The following SLA variants were observed in gnomAD, a reference collection of about 807,000 sequenced individuals.
SLA encodes Src like adaptor.
A neutral mutation model predicts 30.3 loss-of-function variants in SLA; 16 were observed. The ratio of observed to expected loss-of-function variants is 0.53; its 90% CI spans 0.36 to 0.80. The LOEUF (loss-of-function observed/expected upper bound fraction) is 0.80. SLA is among the 30% of genes least tolerant of loss of function. The pLI is 0.01. For synonymous variants in SLA, 143 were observed against 137.8 expected (o/e 1.04, Z -0.26); for missense variants, 310 against 345.2 (o/e 0.90, Z 0.81).
chr8:133,049,554 C>A, intron 5 of SLA: 1 of 304,748 alleles, frequency 3.3e-6, no homozygotes, highest in East Asian at 7.3e-5. Context: ...CAGTAAGTGA[C>A]AGAGGCAGGA....
chr8:133,082,958 A>G (rs554453304), intron 1 of SLA, among the ~76,000 whole-genome samples: 47 of 152,318 alleles, frequency 3.1e-4, no homozygotes, highest in African/African-American at 1.1e-3. Context: ...TGGGTGTGAA[A>G]TCATCTGTCA....
intron 1 of SLA, among the ~76,000 whole-genome samples, chr8:133,091,090 A>G (rs1847438252): frequency 6.6e-6 from 1 of 152,238 alleles, no homozygotes; most frequent in African/African-American, 2.4e-5. Flanking sequence ...TCTGAGAGGT[A>G]GGTGAGCTTC....
At chr8:133,084,188 G>T (rs1285622287) in intron 1 of SLA, among the ~76,000 whole-genome samples, 4 of 152,190 alleles carry the variant, frequency 2.6e-5, no homozygotes. Context: ...GAAATGGAGA[G>T]AGAGGGGCAG....
chr8:133,075,456 A>G (rs1431844532), intron 1 of SLA, among the ~76,000 whole-genome samples: 1 of 152,232 alleles, frequency 6.6e-6, no homozygotes, highest in African/African-American at 2.4e-5. Flanking sequence ...CGTCAAGGGA[A>G]AAAAACTAGA....
At chr8:133,085,265 C>T (rs1292511550) in intron 1 of SLA, among the ~76,000 whole-genome samples, 4 of 152,140 alleles carry the variant, frequency 2.6e-5, no homozygotes, top group African/African-American at 9.7e-5. Context: ...CTATAGAATG[C>T]AAGGCAGAAC....
intron 2 of SLA, among the ~76,000 whole-genome samples, chr8:133,066,325 C>CA (rs11395047): frequency 0.28 from 24,602 of 87,022 alleles, 4,017 homozygotes; most frequent in Admixed American, 0.31. Flanking sequence ...GACTCTGTCT[C>CA]AAAAAAAAAA....
chr8:133,067,476 G>A (rs981390189), intron 2 of SLA, among the ~76,000 whole-genome samples: 2 of 152,132 alleles, frequency 1.3e-5, no homozygotes, highest in Non-Finnish European at 2.9e-5. Context: ...AACCCCTGGG[G>A]AAGAACGTGG....
rs1223153416 is a variant in SLA, at chr8:133,037,362, A to G, written c.*1162T>C. The G allele has an allele frequency of 6.6e-6, 1 of 152,142 alleles. No individual in the cohort carries two copies. Among genetic ancestry groups the G allele is most frequent in the African/African-American group, 2.4e-5 (1 of 41,422 alleles). 9.4% of individuals were successfully genotyped at this position (152,142 alleles called of 1,614,324 possible). A position where few individuals can be genotyped will look rare whatever the true frequency, so the allele number is the denominator to read the frequency against. On this transcript the variant is annotated 3_prime_UTR_variant, in exon 9 of 9. Coordinates refer to ENST00000338087, the MANE Select transcript of SLA (RefSeq NM_001045556.3). ...CCTGGAGCTGAGCATTTTTCCTCAT[A>G]TGGATGCCAGACCCTTCTTAGAATA...
intron 1 of SLA, among the ~76,000 whole-genome samples, chr8:133,081,578 GGAA>G (rs765338790): frequency 1.2e-4 from 17 of 143,296 alleles, no homozygotes; most frequent in Admixed American, 1.1e-3. Context: ...ATTATTCTCA[GGAA>G]GAAGAAGAAA....
At chr8:133,053,453 G>A (rs891429488) in intron 3 of SLA, among the ~76,000 whole-genome samples, 2 of 152,264 alleles carry the variant, frequency 1.3e-5, no homozygotes, top group East Asian at 1.9e-4. Context: ...CAGCTGTCAA[G>A]CTACAGTTTT....
At chr8:133,079,184 C>T (rs758692849) in intron 1 of SLA, among the ~76,000 whole-genome samples, 3 of 152,108 alleles carry the variant, frequency 2.0e-5, no homozygotes, top group Admixed American at 6.5e-5. Context: ...CTGTACTGGC[C>T]GAATGACACT....
At chr8:133,062,317 C>T (rs1842479590) in intron 2 of SLA, among the ~76,000 whole-genome samples, 1 of 152,214 alleles carries the variant, frequency 6.6e-6, no homozygotes, top group South Asian at 2.1e-4. Context: ...CACCTGCAGT[C>T]CAGGAGGGCA....
intron 1 of SLA, among the ~76,000 whole-genome samples, chr8:133,088,808 G>A (rs1847024202): frequency 6.6e-6 from 1 of 152,094 alleles, no homozygotes; most frequent in Admixed American, 6.5e-5. Context: ...ATTAATTACT[G>A]TCCCTGTGAT....
chr8:133,100,211 A>T (rs968990174), intron 1 of SLA, among the ~76,000 whole-genome samples: 3 of 152,194 alleles, frequency 2.0e-5, no homozygotes, highest in Non-Finnish European at 4.4e-5. Flanking sequence ...TGTTCTTCCC[A>T]GACAACTCAC....
chr8:133,092,265 GACTA>G (rs1290718878), intron 1 of SLA, among the ~76,000 whole-genome samples: 6 of 152,210 alleles, frequency 3.9e-5, no homozygotes, highest in African/African-American at 1.4e-4. Context: ...CAACTACAGT[GACTA>G]ACTGAGGTCA....
chr8:133,062,697 T>A (rs2741203), intron 2 of SLA, among the ~76,000 whole-genome samples: 5,488 of 152,132 alleles, frequency 0.036, 305 homozygotes, highest in African/African-American at 0.12. Flanking sequence ...AGCATGCCTG[T>A]GACACGCACA....
intron 2 of SLA, among the ~76,000 whole-genome samples, chr8:133,062,316 T>TC (rs940775285): frequency 5.3e-5 from 8 of 152,310 alleles, no homozygotes; most frequent in African/African-American, 1.4e-4. Context: ...ACACCTGCAG[T>TC]CCAGGAGGGC....
At chr8:133,040,298 G>T in intron 7 of SLA, 168 bp from the exon 8 acceptor site, 1 of 695,178 alleles carries the variant, frequency 1.4e-6, no homozygotes, top group Non-Finnish European at 2.4e-6. Flanking sequence ...AAAGTCACGC[G>T]CCCAGCTGTT....
intron 2 of SLA, among the ~76,000 whole-genome samples, chr8:133,073,772 T>C (rs1165552926): frequency 6.6e-6 from 1 of 152,118 alleles, no homozygotes; most frequent in Non-Finnish European, 1.5e-5. Flanking sequence ...TTGTTCTCGC[T>C]GAGGCTCCCC....
Sources: allele counts gnomAD v4.1 joint callset (sites outside exome capture counted in the v4.1 genomes callset), GRCh38; gene constraint gnomAD v4.1.1; transcripts MANE v1.5; gene names NCBI Gene and HGNC (gene_info 2026-07-23, HGNC 2026-07-21).